The following SPMAP2L variants were observed in gnomAD, a reference collection of about 807,000 sequenced individuals.
The protein encoded by SPMAP2L is sperm microtubule associated protein 2-like.
chr4:56,594,244 C>T, the SPMAP2L span: 1 of 1,594,716 alleles, frequency 6.3e-7, no homozygotes, highest in Non-Finnish European at 8.6e-7. Flanking sequence ...ACAGCTACCA[C>T]TCTGAAACAA....
At chr4:56,589,084 G>T in the SPMAP2L span, among the ~76,000 whole-genome samples, 1 of 152,008 alleles carries the variant, frequency 6.6e-6, no homozygotes, top group Admixed American at 6.6e-5. Flanking sequence ...CGCCTCCCAG[G>T]TTCAAGTGAT....
chr4:56,540,654 GAGAA>G, the SPMAP2L span, among the ~76,000 whole-genome samples: 14 of 152,080 alleles, frequency 9.2e-5, no homozygotes, highest in African/African-American at 2.7e-4. Context: ...AAAGAAAAGA[GAGAA>G]AGAAAGAAAG....
At chr4:56,583,970 ATT>A in the SPMAP2L span, among the ~76,000 whole-genome samples, 3 of 147,342 alleles carry the variant, frequency 2.0e-5, no homozygotes, top group African/African-American at 4.9e-5. Flanking sequence ...TAAAATGTAA[ATT>A]TTTTTTTTTT....
chr4:56,543,428 C>T, the SPMAP2L span, among the ~76,000 whole-genome samples: 2 of 151,802 alleles, frequency 1.3e-5, no homozygotes, highest in Admixed American at 1.3e-4. Context: ...CATGGTGGCT[C>T]ACACCTGTAA....
chr4:56,544,293 T>C, the SPMAP2L span, among the ~76,000 whole-genome samples: 66 of 152,232 alleles, frequency 4.3e-4, 1 homozygote, highest in Non-Finnish European at 8.2e-4. Flanking sequence ...CCGGCCCCAA[T>C]ACGTTTTCCT....
the SPMAP2L span, among the ~76,000 whole-genome samples, chr4:56,598,451 A>G: frequency 1.3e-5 from 2 of 152,208 alleles, no homozygotes; most frequent in African/African-American, 4.8e-5. Flanking sequence ...GACATGTGCT[A>G]TGAAGAAGAT....
chr4:56,595,375 C>A, the SPMAP2L span: 3 of 1,602,000 alleles, frequency 1.9e-6, no homozygotes, highest in East Asian at 6.7e-5. Flanking sequence ...CATGGTTGAG[C>A]CCACTGAGTC....
chr4:56,545,939 C>T, the SPMAP2L span, among the ~76,000 whole-genome samples: 1 of 151,614 alleles, frequency 6.6e-6, no homozygotes, highest in Admixed American at 6.6e-5. Flanking sequence ...ATTACAGACG[C>T]CCGCCACCAC....
chr4:56,579,403 T>A, the SPMAP2L span, among the ~76,000 whole-genome samples: 2 of 151,762 alleles, frequency 1.3e-5, no homozygotes, highest in African/African-American at 4.8e-5. Flanking sequence ...ACTGAAAACA[T>A]AACATACCAA....
At chr4:56,537,850 G>A in the SPMAP2L span, among the ~76,000 whole-genome samples, 4 of 152,084 alleles carry the variant, frequency 2.6e-5, no homozygotes, top group Non-Finnish European at 4.4e-5. Flanking sequence ...CCGCCACCAC[G>A]CCCGGCTAAT....
chr4:56,562,400 T>G, the SPMAP2L span, among the ~76,000 whole-genome samples: 1 of 152,224 alleles, frequency 6.6e-6, no homozygotes, highest in African/African-American at 2.4e-5. Flanking sequence ...TGTGTTTATA[T>G]GTGGTTTCTT....
the SPMAP2L span, among the ~76,000 whole-genome samples, chr4:56,562,383 G>T: frequency 6.6e-6 from 1 of 151,142 alleles, no homozygotes; most frequent in African/African-American, 2.4e-5. Flanking sequence ...GGAATCTTTA[G>T]TGTGTGTGTG....
At chr4:56,582,564 A>C in the SPMAP2L span, among the ~76,000 whole-genome samples, 1 of 152,338 alleles carries the variant, frequency 6.6e-6, no homozygotes, top group Non-Finnish European at 1.5e-5. Context: ...CAACAAAAAA[A>C]ACAGGTTGTT....
the SPMAP2L span, among the ~76,000 whole-genome samples, chr4:56,622,891 G>A: frequency 1.3e-5 from 2 of 152,166 alleles, no homozygotes; most frequent in Non-Finnish European, 2.9e-5. Context: ...CTCGGCTGGT[G>A]GAAAAACAGT....
the SPMAP2L span, among the ~76,000 whole-genome samples, chr4:56,573,008 T>A: frequency 9.1e-5 from 13 of 143,250 alleles, no homozygotes; most frequent in Admixed American, 9.0e-4. Context: ...AGAGCAAGAC[T>A]CTATCTCCAA....
chr4:56,597,683 G>C, the SPMAP2L span, among the ~76,000 whole-genome samples: 1 of 152,102 alleles, frequency 6.6e-6, no homozygotes, highest in African/African-American at 2.4e-5. Context: ...TTCCTTAATT[G>C]CTAGGATTGT....
the SPMAP2L span, among the ~76,000 whole-genome samples, chr4:56,561,756 C>A: frequency 1.3e-5 from 2 of 152,074 alleles, no homozygotes; most frequent in African/African-American, 4.8e-5. Flanking sequence ...ATGGAGTCTT[C>A]TTCTGTTGCC....
the SPMAP2L span, among the ~76,000 whole-genome samples, chr4:56,579,542 A>G: frequency 6.6e-6 from 1 of 151,300 alleles, no homozygotes; most frequent in African/African-American, 2.4e-5. Flanking sequence ...AGCTGAAGCG[A>G]GAGAATCATT....
chr4:56,557,694 T>C, the SPMAP2L span: 1 of 152,204 alleles, frequency 6.6e-6, no homozygotes, highest in Admixed American at 6.5e-5. Flanking sequence ...TCTAGAATTC[T>C]GTGGGTAATT....
Sources: allele counts gnomAD v4.1 joint callset (sites outside exome capture counted in the v4.1 genomes callset), GRCh38; gene constraint gnomAD v4.1.1; transcripts MANE v1.5; gene names NCBI Gene and HGNC (gene_info 2026-07-23, HGNC 2026-07-21).